CTTNBP2: variants seen among roughly 807,000 people sequenced by gnomAD.
CTTNBP2 encodes the protein cortactin-binding protein 2.
A neutral mutation model predicts 156.9 loss-of-function variants in CTTNBP2; 108 were observed. The observed-to-expected ratio is 0.69, with a 90% CI of 0.59 to 0.81. The LOEUF is 0.81. CTTNBP2 is among the 30% of genes least tolerant of loss of function. The pLI is 0.00. For synonymous variants in CTTNBP2, 767 were observed against 751.8 expected (o/e 1.02, Z -0.33); for missense variants, 1,924 against 2,035.4 (o/e 0.95, Z 1.05).
chr7:117,740,340 CTCTT>C (rs1358302016), intron 14 of CTTNBP2, among the ~76,000 whole-genome samples: 2 of 151,898 alleles, frequency 1.3e-5, no homozygotes, highest in Non-Finnish European at 2.9e-5. Flanking sequence ...TGCTCACACC[CTCTT>C]TAACTCTTTT....
chr7:117,762,212 C>T (rs1050176119), intron 9 of CTTNBP2, among the ~76,000 whole-genome samples: 4 of 152,126 alleles, frequency 2.6e-5, no homozygotes, highest in African/African-American at 9.7e-5. Context: ...TGATAGACTG[C>T]TGACCTTCAC....
chr7:117,795,542 G>A (rs930855282), intron 3 of CTTNBP2, among the ~76,000 whole-genome samples: 1 of 152,048 alleles, frequency 6.6e-6, no homozygotes, highest in African/African-American at 2.4e-5. Context: ...ATGTCATCCA[G>A]CTAATGAGTG....
intron 22 of CTTNBP2, among the ~76,000 whole-genome samples, chr7:117,716,852 G>A (rs966971262): frequency 6.6e-6 from 1 of 152,180 alleles, no homozygotes; most frequent in African/African-American, 2.4e-5. Flanking sequence ...ATGAAGCAGT[G>A]AGGGAGCGGG....
rs1185196955 is a variant in CTTNBP2, at chr7:117,719,508, C to T, written c.4640G>A (p.Ser1547Asn). 1.9e-6 allele frequency: 3 copies of T among 1,613,564 alleles called. No homozygotes were observed. The highest frequency in any genetic ancestry group is 2.5e-6 in the Non-Finnish European group (3 of 1,179,630). The change falls in exon 21 of 23, where the codon AGC becomes AAC. Residue 1547 changes from serine (S) to asparagine (N), a missense_variant. Ser to Asn is a conservative substitution (Grantham distance 46, BLOSUM62 1). Transcript: ENST00000160373. ...CCCCCCATTTGTACTGCTCACCTTG[C>T]TGATATCAGACTCAGACTTGCTGGA... ...MCSSKSESDI[S>N]KIADSRDDLR...
At chr7:117,759,843 T>C (rs1388831141) in intron 10 of CTTNBP2, among the ~76,000 whole-genome samples, 3 of 152,224 alleles carry the variant, frequency 2.0e-5, no homozygotes, top group Non-Finnish European at 4.4e-5. Context: ...AGAAAGGAAC[T>C]AATCAGGGAC....
intron 8 of CTTNBP2, among the ~76,000 whole-genome samples, chr7:117,769,996 A>G (rs1001417051): frequency 1.3e-5 from 2 of 152,234 alleles, no homozygotes; most frequent in Non-Finnish European, 2.9e-5. Flanking sequence ...CTTAAATGAA[A>G]GATGCACACA....
intron 16 of CTTNBP2, among the ~76,000 whole-genome samples, chr7:117,729,432 G>C (rs1795282549): frequency 6.6e-6 from 1 of 152,218 alleles, no homozygotes; most frequent in South Asian, 2.1e-4. Flanking sequence ...CTTCCCCAGA[G>C]ATACATTCCT....
intron 16 of CTTNBP2, among the ~76,000 whole-genome samples, chr7:117,731,938 C>T (rs1168755990): frequency 2.0e-5 from 3 of 152,178 alleles, no homozygotes; most frequent in Admixed American, 1.3e-4. Context: ...ACATTACTTA[C>T]ATATATGTGT....
intron 9 of CTTNBP2, among the ~76,000 whole-genome samples, chr7:117,763,681 A>T (rs1797330813): frequency 6.8e-6 from 1 of 146,990 alleles, no homozygotes; most frequent in South Asian, 2.2e-4. Context: ...TCACCTCAGC[A>T]CCCATGGAGC....
At chr7:117,853,170 C>A (rs1248537406) in intron 2 of CTTNBP2, among the ~76,000 whole-genome samples, 2 of 152,174 alleles carry the variant, frequency 1.3e-5, no homozygotes, top group Non-Finnish European at 2.9e-5. Flanking sequence ...AATGGAATTA[C>A]CCTTTTCTTG....
At chr7:117,780,411 A>C (rs763238413) in intron 7 of CTTNBP2, 30 bp downstream of exon 7, 3 of 1,434,694 alleles carry the variant, frequency 2.1e-6, no homozygotes, top group Non-Finnish European at 2.8e-6. Flanking sequence ...AATTATATAT[A>C]CAGGGGGAAA....
chr7:117,800,597 C>T (rs991475078), intron 3 of CTTNBP2, among the ~76,000 whole-genome samples: 3 of 152,076 alleles, frequency 2.0e-5, no homozygotes, highest in Non-Finnish European at 2.9e-5. Flanking sequence ...TCTGAAACTA[C>T]TCTGTGTGTT....
At chr7:117,870,659 A>C (rs1432351800) in intron 1 of CTTNBP2, among the ~76,000 whole-genome samples, 2 of 152,252 alleles carry the variant, frequency 1.3e-5, no homozygotes, top group Non-Finnish European at 2.9e-5. Flanking sequence ...GGTGACAATA[A>C]AAAGCATGAA....
intron 2 of CTTNBP2, among the ~76,000 whole-genome samples, chr7:117,847,820 T>C (rs34214011): frequency 6.2e-5 from 2 of 32,166 alleles, no homozygotes; most frequent in African/African-American, 2.7e-4. Flanking sequence ...TTGCCTAACC[T>C]TTTTTTTTTT....
At position 117,725,241 on chromosome 7, in the gene CTTNBP2, A is replaced by T. The variant is rs749471709; in HGVS notation, c.4072T>A (p.Trp1358Arg). 1 of 1,614,128 alleles carries T rather than the reference A, an allele frequency of 6.2e-7. No individual in the cohort carries two copies. Among genetic ancestry groups the T allele is most frequent in the Non-Finnish European group, 8.5e-7 (1 of 1,179,970 alleles). ...ACTCTGGGTGCGATGACGCCATTCC[A>T]CAGCTTAGACATCCACCTAGCAGGA... ...QVTVKWMSKL[W>R]NGVIAPRVQE... Residue 1358 changes from tryptophan (W) to arginine (R), a missense_variant, in exon 18 of 23, where the codon TGG becomes AGG. By Grantham distance (101) the Trp-to-Arg change is moderately radical. Coordinates refer to ENST00000160373, the MANE Select transcript of CTTNBP2 (RefSeq NM_033427.3).
At chr7:117,776,190 C>T (rs1798091779) in intron 8 of CTTNBP2, among the ~76,000 whole-genome samples, 2 of 152,148 alleles carry the variant, frequency 1.3e-5, no homozygotes, top group South Asian at 4.1e-4. Context: ...TCTTTTTATT[C>T]AGCTCCCCCA....
At chr7:117,854,541 G>T (rs896638841) in intron 2 of CTTNBP2, among the ~76,000 whole-genome samples, 2 of 152,066 alleles carry the variant, frequency 1.3e-5, no homozygotes, top group African/African-American at 4.8e-5. Flanking sequence ...AACCATAAAG[G>T]CTTTTTAATT....
At chr7:117,854,429 T>C (rs545776163) in intron 2 of CTTNBP2, among the ~76,000 whole-genome samples, 2 of 152,200 alleles carry the variant, frequency 1.3e-5, no homozygotes, top group African/African-American at 2.4e-5. Context: ...CACAATACTC[T>C]GTAGCATACT....
intron 14 of CTTNBP2, among the ~76,000 whole-genome samples, chr7:117,745,200 C>A (rs941426562): frequency 6.6e-6 from 1 of 152,152 alleles, no homozygotes; most frequent in South Asian, 2.1e-4. Context: ...TATTTAATCC[C>A]GGTGCTGCTA....
Sources: allele counts gnomAD v4.1 joint callset (sites outside exome capture counted in the v4.1 genomes callset), GRCh38; gene constraint gnomAD v4.1.1; transcripts MANE v1.5; gene names NCBI Gene and HGNC (gene_info 2026-07-23, HGNC 2026-07-21).